SYT1: variants seen among roughly 807,000 people sequenced by gnomAD.
The protein encoded by SYT1 is synaptotagmin 1, also known as synaptotagmin-1.
In SYT1, 8 loss-of-function variants were observed where a neutral mutation model predicts 44.8. That is an observed-to-expected ratio of 0.18 (90% CI 0.10 to 0.32). The LOEUF is 0.32. SYT1 is among the 10% of genes least tolerant of loss of function. The pLI, the probability that SYT1 is intolerant of heterozygous loss-of-function variation, is 1.00. For missense variants in SYT1, 286 were observed against 509.3 expected, an observed-to-expected ratio of 0.56 and a Z score of 4.22; for synonymous variants, 154 against 188.8, an observed-to-expected ratio of 0.82 and a Z score of 1.51.
At chr12:79,022,701 T>G in intron 2 of SYT1, among the ~76,000 whole-genome samples, 1 of 151,782 alleles carries the variant, frequency 6.6e-6, no homozygotes. Flanking sequence ...ACTTTTAATA[T>G]CTAGTAGGTT....
At chr12:79,413,493 G>C (rs889128274) in intron 9 of SYT1, among the ~76,000 whole-genome samples, 15 of 152,252 alleles carry the variant, frequency 9.9e-5, no homozygotes, top group African/African-American at 3.6e-4. Flanking sequence ...ATCTGATGTT[G>C]TGTCATGTTT....
At chr12:78,937,764 A>G (rs546662724) in intron 1 of SYT1, among the ~76,000 whole-genome samples, 3 of 152,302 alleles carry the variant, frequency 2.0e-5, no homozygotes, top group Admixed American at 6.5e-5. Context: ...GGAAAATTCT[A>G]TAGTGTGCTA....
At chr12:78,938,648 G>C (rs1382328724) in intron 1 of SYT1, among the ~76,000 whole-genome samples, 1 of 152,082 alleles carries the variant, frequency 6.6e-6, no homozygotes, top group Non-Finnish European at 1.5e-5. Flanking sequence ...CATCAATAAA[G>C]CAAATGTTAT....
At chr12:79,160,891 T>C (rs1446189674) in intron 3 of SYT1, among the ~76,000 whole-genome samples, 2 of 152,072 alleles carry the variant, frequency 1.3e-5, no homozygotes, top group African/African-American at 4.8e-5. Flanking sequence ...TGGTGCATAA[T>C]GACCTTTTGA....
chr12:79,432,133 T>TA (rs561040445), intron 9 of SYT1, among the ~76,000 whole-genome samples: 40 of 151,936 alleles, frequency 2.6e-4, no homozygotes, highest in Non-Finnish European at 4.9e-4. Flanking sequence ...TTTCTCTTTT[T>TA]AAAAAAGGGC....
rs191546447 is a variant in SYT1, at chr12:79,004,993, T to C, written c.-84+27062T>C. On this transcript the variant is annotated intron_variant, in intron 2 of 10. Transcript: ENST00000261205. ...AGTTGTATGAAACCCCAGGGTTTCATAGAAGGTAACTTGAAAACCATAATA... is the reference window on the plus strand; with the variant it reads ...AGTTGTATGAAACCCCAGGGTTTCACAGAAGGTAACTTGAAAACCATAATA... Among the ~76,000 whole-genome samples the C allele has an allele frequency of 2.2e-4, 33 of 152,158 alleles. No individual in the cohort carries two copies. The East Asian group carries it at 6.0e-3, about 28-fold the overall frequency.
At chr12:78,997,517 T>C (rs965508470) in intron 2 of SYT1, among the ~76,000 whole-genome samples, 2 of 152,164 alleles carry the variant, frequency 1.3e-5, no homozygotes, top group Non-Finnish European at 2.9e-5. Context: ...GTTAAACTAG[T>C]CTGTAAGCAA....
At chr12:79,345,612 C>G (rs953867789) in intron 8 of SYT1, among the ~76,000 whole-genome samples, 1 of 152,160 alleles carries the variant, frequency 6.6e-6, no homozygotes, top group Non-Finnish European at 1.5e-5. Context: ...GTCTTTCTAG[C>G]CTGAACACAT....
At chr12:79,045,507 C>G (rs1017945559) in intron 2 of SYT1, 6 of 156,604 alleles carry the variant, frequency 3.8e-5, no homozygotes, top group Admixed American at 1.3e-4. Flanking sequence ...ACCCACTGAC[C>G]TGCTCCCACT....
chr12:78,931,611 G>C (rs1444909635), intron 1 of SYT1, among the ~76,000 whole-genome samples: 1 of 152,172 alleles, frequency 6.6e-6, no homozygotes, highest in Non-Finnish European at 1.5e-5. Flanking sequence ...GCATGATGTA[G>C]ATTTATTTAT....
At chr12:78,876,817 T>TAATATTA (rs372012277) in intron 1 of SYT1, among the ~76,000 whole-genome samples, 1 of 30,290 alleles carries the variant, frequency 3.3e-5, no homozygotes, top group Admixed American at 4.9e-4. Context: ...GTAATACATA[T>TAATATTA]CATATATTAT....
intron 3 of SYT1, among the ~76,000 whole-genome samples, chr12:79,082,643 T>C (rs557883526): frequency 7.9e-5 from 12 of 152,188 alleles, no homozygotes; most frequent in Non-Finnish European, 1.6e-4. Context: ...GGCTTGAATA[T>C]ATCCCTGAAC....
At chr12:79,046,461 T>G (rs1390361605) in intron 2 of SYT1, 1 of 152,186 alleles carries the variant, frequency 6.6e-6, no homozygotes, top group Admixed American at 6.5e-5. Flanking sequence ...GGTACTTGTC[T>G]GTAGCATCAT....
At chr12:79,299,258 C>G in intron 7 of SYT1, 126 bp from the exon 8 acceptor site, 2 of 1,105,128 alleles carry the variant, frequency 1.8e-6, no homozygotes, top group Admixed American at 5.7e-5. Flanking sequence ...TAAAAAATAA[C>G]CAAAAACAAA....
chr12:79,426,568 A>T (rs1869461853), intron 9 of SYT1, among the ~76,000 whole-genome samples: 1 of 152,238 alleles, frequency 6.6e-6, no homozygotes, highest in Non-Finnish European at 1.5e-5. Flanking sequence ...ATCCAAAGCA[A>T]ATGATTAACA....
chr12:79,366,894 C>CTCTG (rs1414626827), intron 9 of SYT1, among the ~76,000 whole-genome samples: 3 of 117,424 alleles, frequency 2.6e-5, no homozygotes, highest in Admixed American at 8.9e-5. Flanking sequence ...ATAAATAATA[C>CTCTG]TGTGTGTGTG....
At chr12:78,899,741 C>G (rs561727396) in intron 1 of SYT1, among the ~76,000 whole-genome samples, 2 of 152,002 alleles carry the variant, frequency 1.3e-5, no homozygotes, top group African/African-American at 4.8e-5. Context: ...GCTCTTAAAA[C>G]ACTATGTGAA....
At chr12:79,339,903 C>T (rs1427903514) in intron 8 of SYT1, among the ~76,000 whole-genome samples, 1 of 152,152 alleles carries the variant, frequency 6.6e-6, no homozygotes, top group Non-Finnish European at 1.5e-5. Context: ...AGCCAGTTTT[C>T]CCAGCACCAT....
At chr12:79,276,957 AG>A (rs1878767666) in intron 4 of SYT1, among the ~76,000 whole-genome samples, 1 of 143,954 alleles carries the variant, frequency 6.9e-6, no homozygotes, top group Non-Finnish European at 1.5e-5. Context: ...AGGAAGAAGG[AG>A]GAGGAGGAGG....
Sources: allele counts gnomAD v4.1 joint callset (sites outside exome capture counted in the v4.1 genomes callset), GRCh38; gene constraint gnomAD v4.1.1; transcripts MANE v1.5; gene names NCBI Gene and HGNC (gene_info 2026-07-23, HGNC 2026-07-21).